Variants in ATP2C2 observed in about 807,000 individuals in gnomAD.
ATP2C2 encodes the protein ATPase secretory pathway Ca2+ transporting 2.
ATP2C2 carries 171 observed loss-of-function variants against 110.8 expected under a neutral mutation model. The observed-to-expected ratio is 1.54, with a 90% CI of 1.36 to 1.75. The LOEUF is 1.75. Ranked by LOEUF, ATP2C2 falls within the 40% of genes most tolerant of loss-of-function variation. The probability of loss-of-function intolerance (pLI) is 0.00; values close to 1 mark genes in which losing one functional copy is unlikely to be tolerated. For missense variants in ATP2C2, 1,963 were observed against 1,235.0 expected (o/e 1.59, Z -8.84); for synonymous variants, 804 against 508.4 (o/e 1.58, Z -7.82).
chr16:84,445,511 C>T (rs1349212338), intron 15 of ATP2C2, among the ~76,000 whole-genome samples: 8 of 152,148 alleles, frequency 5.3e-5, no homozygotes, highest in Non-Finnish European at 1.5e-5. Context: ...CCCGGCCTTC[C>T]TCCTCTTATA....
intron 11 of ATP2C2, among the ~76,000 whole-genome samples, chr16:84,429,700 A>C (rs1597819955): frequency 6.6e-6 from 1 of 152,046 alleles, no homozygotes; most frequent in African/African-American, 2.4e-5. Flanking sequence ...GGCAGGTGGG[A>C]GAGGGAGCGT....
intron 1 of ATP2C2, among the ~76,000 whole-genome samples, chr16:84,369,910 G>T (rs1471618096): frequency 6.6e-6 from 1 of 152,194 alleles, no homozygotes; most frequent in East Asian, 1.9e-4. Flanking sequence ...TGTTAATATT[G>T]ATAGGATATA....
chr16:84,461,511 G>T, intron 24 of ATP2C2: 1 of 625,046 alleles, frequency 1.6e-6, no homozygotes, highest in South Asian at 1.9e-5. Flanking sequence ...TCCTCATGGT[G>T]GCAGCAAATC....
rs192527382 is a variant in ATP2C2, at chr16:84,437,718, G to A, written c.987-1448G>A. ...TTTAGTAGAGATGGGGTTTCACCAC[G>A]TTGTCCAGGTTGGTCTCAAACTCCT... On this transcript the variant is annotated intron_variant, in intron 11 of 26. Transcript: ENST00000262429. 2.0e-3 allele frequency among the ~76,000 whole-genome samples: 298 copies of A among 152,262 alleles called. 1 individual carries two copies. Among genetic ancestry groups the A allele is most frequent in the Admixed American group, 3.0e-3 (46 of 15,290 alleles).
At chr16:84,369,430 G>T (rs550242878) in intron 1 of ATP2C2, among the ~76,000 whole-genome samples, 1 of 152,024 alleles carries the variant, frequency 6.6e-6, no homozygotes, top group Non-Finnish European at 1.5e-5. Flanking sequence ...AACAGAACTC[G>T]TTGCATGCTT....
At chr16:84,397,355 C>T (rs1282377050) in intron 1 of ATP2C2, among the ~76,000 whole-genome samples, 4 of 151,550 alleles carry the variant, frequency 2.6e-5, no homozygotes, top group Non-Finnish European at 5.9e-5. Flanking sequence ...AGGAGGCACT[C>T]TCTGCAATAT....
At chr16:84,390,109 C>T (rs915571872) in intron 1 of ATP2C2, among the ~76,000 whole-genome samples, 7 of 152,214 alleles carry the variant, frequency 4.6e-5, no homozygotes, top group South Asian at 4.1e-4. Flanking sequence ...AACTGAGGCA[C>T]GGGCTAGGCT....
At chr16:84,376,457 G>C (rs1345110935) in intron 1 of ATP2C2, among the ~76,000 whole-genome samples, 3 of 152,058 alleles carry the variant, frequency 2.0e-5, no homozygotes, top group Non-Finnish European at 4.4e-5. Flanking sequence ...TGTTCAACCT[G>C]CAGCCCAAGA....
chr16:84,409,826 T>G (rs1221257239), intron 4 of ATP2C2, among the ~76,000 whole-genome samples: 1 of 152,144 alleles, frequency 6.6e-6, no homozygotes, highest in African/African-American at 2.4e-5. Context: ...ATGGCTGTCA[T>G]TCCCCACTTC....
At chr16:84,406,642 GC>G in intron 3 of ATP2C2, 1 of 985,522 alleles carries the variant, frequency 1.0e-6, no homozygotes, top group Non-Finnish European at 1.2e-6. Flanking sequence ...AGCAAAATAG[GC>G]TTCTGGGTAT....
chr16:84,414,936 C>T (rs949114066), intron 6 of ATP2C2, among the ~76,000 whole-genome samples: 1 of 152,012 alleles, frequency 6.6e-6, no homozygotes, highest in Non-Finnish European at 1.5e-5. Flanking sequence ...TTGAAGGGGC[C>T]AGGTCGGAGG....
At chr16:84,395,635 G>T (rs1251372718) in intron 1 of ATP2C2, among the ~76,000 whole-genome samples, 7 of 151,706 alleles carry the variant, frequency 4.6e-5, no homozygotes, top group Non-Finnish European at 1.0e-4. Flanking sequence ...TCAGCCTCCA[G>T]AGTCGCTGAG....
At chr16:84,396,165 T>C (rs1904959242) in intron 1 of ATP2C2, among the ~76,000 whole-genome samples, 1 of 152,096 alleles carries the variant, frequency 6.6e-6, no homozygotes, top group Non-Finnish European at 1.5e-5. Context: ...ACATTGAAGG[T>C]AATTGGGCTC....
At chr16:84,451,835 T>C (rs1454069141) in intron 17 of ATP2C2, 86 bp from the exon 18 acceptor site, 11 of 1,357,810 alleles carry the variant, frequency 8.1e-6, no homozygotes, top group Non-Finnish European at 6.0e-6. Flanking sequence ...CAAAACTCTC[T>C]TAAAAAACAA....
chr16:84,407,745 T>C (rs1905904446), intron 3 of ATP2C2, among the ~76,000 whole-genome samples: 1 of 152,168 alleles, frequency 6.6e-6, no homozygotes, highest in Non-Finnish European at 1.5e-5. Context: ...GGGCTGGGAT[T>C]ACAGTGTGAG....
At chr16:84,405,361 C>A in intron 3 of ATP2C2, 117 bp downstream of exon 3, 1 of 852,000 alleles carries the variant, frequency 1.2e-6, no homozygotes, top group Non-Finnish European at 1.8e-6. Context: ...GCCCCTTTCA[C>A]GCTGCCCCAG....
chr16:84,406,575 C>G (rs1905786505), intron 3 of ATP2C2: 1 of 985,372 alleles, frequency 1.0e-6, no homozygotes, highest in African/African-American at 1.7e-5. Flanking sequence ...GGTCCCCTCC[C>G]TGATCAAGGC....
Position 84,461,808 on chromosome 16 carries a change from C to G in ATP2C2, c.2576C>G (p.Ser859Cys), listed in dbSNP as rs373238123. ...FDLFNALTCRSQTKLIFEIGF... is the reference protein window; with the variant it reads ...FDLFNALTCRCQTKLIFEIGF... The stretch of plus-strand genomic sequence containing the variant: ...CTCTTCAACGCCTTGACCTGCCGCT[C>G]TCAGGTGAGACCCGGGCTGACCCTC... Residue 859 changes from serine (S) to cysteine (C), a missense_variant, in exon 25 of 27, where the codon TCT becomes TGT. Coordinates refer to ENST00000262429, the MANE Select transcript of ATP2C2 (RefSeq NM_014861.4). 115 of 1,613,750 alleles carry G rather than the reference C, an allele frequency of 7.1e-5. No individual in the cohort carries two copies. Among genetic ancestry groups the G allele is most frequent in the Admixed American group, 3.5e-4 (21 of 60,006 alleles).
chr16:84,450,822 T>G (rs954197999), intron 17 of ATP2C2, among the ~76,000 whole-genome samples: 1 of 152,074 alleles, frequency 6.6e-6, no homozygotes, highest in Non-Finnish European at 1.5e-5. Context: ...TGTCAATTTT[T>G]CTTAACCTCT....
Sources: allele counts gnomAD v4.1 joint callset (sites outside exome capture counted in the v4.1 genomes callset), GRCh38; gene constraint gnomAD v4.1.1; transcripts MANE v1.5; gene names NCBI Gene and HGNC (gene_info 2026-07-23, HGNC 2026-07-21).